The following RAPGEF1 variants were observed in gnomAD, a reference collection of about 807,000 sequenced individuals.
The protein encoded by RAPGEF1 is Rap guanine nucleotide exchange factor 1.
A neutral mutation model predicts 143.3 loss-of-function variants in RAPGEF1; 33 were observed. That is an observed-to-expected ratio of 0.23 (90% CI 0.17 to 0.31). RAPGEF1 has a LOEUF of 0.31. RAPGEF1 is among the 10% of genes least tolerant of loss of function. The pLI is 1.00. For missense variants in RAPGEF1, 1,199 were observed against 1,645.4 expected, an observed-to-expected ratio of 0.73 and a Z score of 4.69; for synonymous variants, 629 against 676.5, an observed-to-expected ratio of 0.93 and a Z score of 1.09.
intron 1 of RAPGEF1, among the ~76,000 whole-genome samples, chr9:131,687,013 C>A (rs1323029659): frequency 1.3e-5 from 2 of 152,110 alleles, no homozygotes; most frequent in Non-Finnish European, 2.9e-5. Context: ...AATAAAATTA[C>A]CAATAGGATC....
intron 12 of RAPGEF1, among the ~76,000 whole-genome samples, chr9:131,613,349 T>TA (rs780122335): frequency 5.3e-5 from 8 of 151,688 alleles, no homozygotes; most frequent in Non-Finnish European, 1.2e-4. Context: ...AGGTTCGTGG[T>TA]AAGGTGGGGA....
At chr9:131,695,398 G>A (rs1200057707) in intron 1 of RAPGEF1, among the ~76,000 whole-genome samples, 3 of 152,214 alleles carry the variant, frequency 2.0e-5, no homozygotes, top group Non-Finnish European at 4.4e-5. Context: ...ACCCATGGAT[G>A]AGCCATTTAG....
intron 1 of RAPGEF1, among the ~76,000 whole-genome samples, chr9:131,719,553 C>CTTT (rs34413859): frequency 3.5e-3 from 256 of 72,410 alleles, no homozygotes; most frequent in African/African-American, 4.4e-3. Flanking sequence ...CCCTTCAGGG[C>CTTT]TTTTTTTTTT....
chr9:131,720,565 A>T (rs1836191349), intron 1 of RAPGEF1, among the ~76,000 whole-genome samples: 1 of 152,212 alleles, frequency 6.6e-6, no homozygotes, highest in East Asian at 1.9e-4. Flanking sequence ...GGCAGGCAGC[A>T]TTCTGGGTAC....
Position 131,592,694 on chromosome 9 carries a change from C to T in RAPGEF1, c.2690-511G>A, listed in dbSNP as rs1006520480. On this transcript the variant is annotated intron_variant, in intron 17 of 26. Coordinates refer to ENST00000683357, the MANE Select transcript of RAPGEF1 (RefSeq NM_001377935.1). ...GAACAAAGAAAATCGTCTGTTCAAA[C>T]CCGTCAGCAGGATCCTGAAATGAAA... 6.6e-5 allele frequency among the ~76,000 whole-genome samples: 10 copies of T among 152,122 alleles called. 1 individual carries two copies. The highest frequency in any genetic ancestry group is 2.4e-4 in the African/African-American group (10 of 41,406).
chr9:131,640,607 G>A (rs931683257), intron 4 of RAPGEF1, among the ~76,000 whole-genome samples: 8 of 151,178 alleles, frequency 5.3e-5, no homozygotes, highest in Non-Finnish European at 8.9e-5. Context: ...TGTGACTCTC[G>A]CTCTCACATG....
rs1956338141 is a variant in RAPGEF1 at position 131,601,958 on chromosome 9, T to C, written c.2501+103A>G. Reference sequence around the variant, plus strand: ...AAGAAGGAAGAGTTTCAACTTGAAATACCCTCAGGCCTAGGGGCTAGCTGG... The same window carrying C: ...AAGAAGGAAGAGTTTCAACTTGAAACACCCTCAGGCCTAGGGGCTAGCTGG... On this transcript the variant is annotated intron_variant, in intron 15 of 26. Transcript: ENST00000683357. 2.0e-5 allele frequency: 15 copies of C among 768,418 alleles called. No homozygotes were observed. In the South Asian group the frequency reaches 2.3e-4, roughly 12 times the overall value. 47.6% of individuals were successfully genotyped at this position (768,418 alleles called of 1,614,324 possible).
intron 25 of RAPGEF1, 103 bp from the exon 26 acceptor site, chr9:131,580,494 A>G: frequency 1.5e-6 from 2 of 1,360,054 alleles, no homozygotes; most frequent in Non-Finnish European, 1.0e-6. Flanking sequence ...GCAGCTTCCA[A>G]ACCCCAGAGC....
chr9:131,694,188 T>C (rs1038819279), intron 1 of RAPGEF1, among the ~76,000 whole-genome samples: 1 of 152,194 alleles, frequency 6.6e-6, no homozygotes, highest in African/African-American at 2.4e-5. Flanking sequence ...CTCTGATCTT[T>C]CATAGTATTT....
chr9:131,580,154 T>C, intron 26 of RAPGEF1, 109 bp downstream of exon 26: 1 of 1,403,248 alleles, frequency 7.1e-7, no homozygotes, highest in Non-Finnish European at 9.7e-7. Context: ...CAGTGGCAGG[T>C]CCCTGGGTCC....
chr9:131,611,194 C>T (rs1413590658), intron 12 of RAPGEF1, among the ~76,000 whole-genome samples: 2 of 152,210 alleles, frequency 1.3e-5, no homozygotes, highest in African/African-American at 4.8e-5. Context: ...TGTCTTTGAT[C>T]CTGGTAAGAA....
At chr9:131,593,476 G>A (rs1356241051) in intron 17 of RAPGEF1, among the ~76,000 whole-genome samples, 2 of 152,216 alleles carry the variant, frequency 1.3e-5, no homozygotes, top group Admixed American at 6.5e-5. Context: ...GTGAGGCTGG[G>A]TGCAAACACG....
intron 1 of RAPGEF1, among the ~76,000 whole-genome samples, chr9:131,735,891 C>T (rs1392577117): frequency 1.3e-5 from 2 of 152,156 alleles, no homozygotes; most frequent in African/African-American, 4.8e-5. Context: ...TCAATATTGA[C>T]CATCAATTCT....
At chr9:131,702,059 A>G (rs1159306978) in intron 1 of RAPGEF1, among the ~76,000 whole-genome samples, 1 of 152,224 alleles carries the variant, frequency 6.6e-6, no homozygotes, top group African/African-American at 2.4e-5. Flanking sequence ...CCCTCCCAGC[A>G]AACTGTTTAA....
At chr9:131,674,852 G>A (rs1832035227) in intron 1 of RAPGEF1, among the ~76,000 whole-genome samples, 1 of 152,150 alleles carries the variant, frequency 6.6e-6, no homozygotes, top group African/African-American at 2.4e-5. Context: ...CAGACCTGAA[G>A]CATCGCTACC....
chr9:131,693,726 G>C (rs1833939794), intron 1 of RAPGEF1, among the ~76,000 whole-genome samples: 1 of 151,980 alleles, frequency 6.6e-6, no homozygotes, highest in African/African-American at 2.4e-5. Context: ...GTTGTCTTTT[G>C]ACAATACCTT....
chr9:131,628,196 C>T lies in RAPGEF1; in HGVS notation c.1018-100G>A, dbSNP rs1269817370. Reference sequence around the variant, plus strand: ...GTGCATTTACTTAGAGAAGGAAATACTGCCAGGCGAACTCAGAAACCACCT... The same window carrying T: ...GTGCATTTACTTAGAGAAGGAAATATTGCCAGGCGAACTCAGAAACCACCT... On this transcript the variant is annotated intron_variant, in intron 8 of 26. Coordinates refer to ENST00000683357, the MANE Select transcript of RAPGEF1 (RefSeq NM_001377935.1). The surrounding 1 kb of genome is among the most constrained non-coding windows in gnomAD (Gnocchi z 5.7). The T allele has an allele frequency of 1.7e-6, 2 of 1,159,306 alleles. No homozygotes were observed. Among genetic ancestry groups the T allele is most frequent in the African/African-American group, 1.6e-5 (1 of 64,078 alleles). 71.8% of individuals were successfully genotyped at this position (1,159,306 alleles called of 1,614,324 possible).
intron 1 of RAPGEF1, among the ~76,000 whole-genome samples, chr9:131,657,186 C>T (rs1479343136): frequency 6.6e-6 from 1 of 152,192 alleles, no homozygotes; most frequent in Non-Finnish European, 1.5e-5. Flanking sequence ...ACGACAGGTG[C>T]CCTCACATGA....
chr9:131,639,916 A>G (rs1222259865), intron 4 of RAPGEF1, among the ~76,000 whole-genome samples: 22 of 152,238 alleles, frequency 1.4e-4, no homozygotes, highest in Admixed American at 1.4e-3. Context: ...CAATTTTTGC[A>G]AGGATCTAAA....
Sources: allele counts gnomAD v4.1 joint callset (sites outside exome capture counted in the v4.1 genomes callset), GRCh38; gene constraint gnomAD v4.1.1; non-coding constraint Gnocchi (gnomAD v3.1); transcripts MANE v1.5; gene names NCBI Gene and HGNC (gene_info 2026-07-23, HGNC 2026-07-21).